The following CCDC91 variants were observed in gnomAD, a reference collection of about 807,000 sequenced individuals.
CCDC91 encodes coiled-coil domain-containing protein 91.
A neutral mutation model predicts 63.2 loss-of-function variants in CCDC91; 48 were observed. The observed-to-expected ratio is 0.76, with a 90% CI of 0.60 to 0.97. CCDC91 has a LOEUF of 0.97. Among genes scored for constraint, CCDC91 ranks in the 50% least tolerant of loss-of-function variants. CCDC91 has a pLI of 0.00. For synonymous variants in CCDC91, 167 were observed against 165.8 expected, an observed-to-expected ratio of 1.01 and a Z score of -0.06; for missense variants, 500 against 494.6, an observed-to-expected ratio of 1.01 and a Z score of -0.10.
At chr12:28,338,493 C>T (rs1027750480) in intron 6 of CCDC91, among the ~76,000 whole-genome samples, 35 of 152,016 alleles carry the variant, frequency 2.3e-4, no homozygotes, top group African/African-American at 2.7e-4. Flanking sequence ...GATGTGCTTT[C>T]AGAAAGTACA....
chr12:28,273,995 T>G (rs1178922225), intron 3 of CCDC91, among the ~76,000 whole-genome samples: 1 of 152,208 alleles, frequency 6.6e-6, no homozygotes, highest in African/African-American at 2.4e-5. Context: ...AAGTCTTTAA[T>G]CCATCTTGAA....
At chr12:28,501,418 G>T (rs1435996289) in intron 12 of CCDC91, among the ~76,000 whole-genome samples, 1 of 151,826 alleles carries the variant, frequency 6.6e-6, no homozygotes, top group Non-Finnish European at 1.5e-5. Flanking sequence ...TAGCATGAAG[G>T]GTTGTTGAAT....
intron 6 of CCDC91, among the ~76,000 whole-genome samples, chr12:28,328,319 A>G (rs1941202376): frequency 6.6e-6 from 1 of 152,146 alleles, no homozygotes; most frequent in African/African-American, 2.4e-5. Context: ...TTTCTGCACA[A>G]AAGTTTTGGA....
At chr12:28,485,279 C>T (rs1179953098) in intron 12 of CCDC91, among the ~76,000 whole-genome samples, 4 of 151,982 alleles carry the variant, frequency 2.6e-5, no homozygotes, top group Non-Finnish European at 1.5e-5. Flanking sequence ...CTGCCCCAGC[C>T]TCCTGAGTAG....
intron 11 of CCDC91, among the ~76,000 whole-genome samples, chr12:28,458,454 C>CTTTTTTTTTT (rs1566005675): frequency 1.4e-5 from 1 of 71,482 alleles, no homozygotes; most frequent in African/African-American, 8.1e-5. Context: ...CATTTGCACA[C>CTTTTTTTTTT]CTTTTTTTTT....
rs780008235 is a variant in CCDC91 at position 28,383,525 on chromosome 12, T to C, written c.655-7779T>C. Among the ~76,000 whole-genome samples the C allele has an allele frequency of 5.3e-5, 8 of 152,280 alleles. No individual in the cohort carries two copies. In the South Asian group the frequency reaches 1.4e-3, roughly 28 times the overall value. On this transcript the variant is annotated intron_variant, in intron 7 of 12. Coordinates refer to ENST00000536442, the MANE Select transcript of CCDC91 (RefSeq NM_018318.5). Reference sequence around the variant, plus strand: ...CACTCTTCAGACAACTGTAATTTACTCTTGAGAAACATGTACCTTCATTCT... The same window carrying C: ...CACTCTTCAGACAACTGTAATTTACCCTTGAGAAACATGTACCTTCATTCT...
At chr12:28,501,274 T>G (rs1180106516) in intron 12 of CCDC91, among the ~76,000 whole-genome samples, 1 of 151,938 alleles carries the variant, frequency 6.6e-6, no homozygotes, top group African/African-American at 2.4e-5. Flanking sequence ...AGGGCATCCA[T>G]GTCTTGTGCC....
intron 1 of CCDC91, among the ~76,000 whole-genome samples, chr12:28,222,623 A>G (rs1433952626): frequency 1.3e-5 from 2 of 152,174 alleles, no homozygotes; most frequent in Non-Finnish European, 2.9e-5. Flanking sequence ...CCATAGAATG[A>G]ATTTTGGTGT....
chr12:28,381,709 A>AT (rs1372469051), intron 7 of CCDC91, among the ~76,000 whole-genome samples: 3 of 152,108 alleles, frequency 2.0e-5, no homozygotes, highest in Non-Finnish European at 4.4e-5. Flanking sequence ...CATGTAGCCA[A>AT]TTTTTTTGAT....
chr12:28,219,269 T>A (rs1342472663), intron 1 of CCDC91, among the ~76,000 whole-genome samples: 1 of 152,096 alleles, frequency 6.6e-6, no homozygotes, highest in Non-Finnish European at 1.5e-5. Context: ...ATTAAAATAT[T>A]TTACCAATAA....
At chr12:28,221,580 A>G (rs570807856) in intron 1 of CCDC91, among the ~76,000 whole-genome samples, 220 of 152,238 alleles carry the variant, frequency 1.4e-3, no homozygotes, top group African/African-American at 5.0e-3. Context: ...TACTTTTAAG[A>G]TTTGTTAGCA....
chr12:28,213,718 C>T (rs566806492), intron 1 of CCDC91, among the ~76,000 whole-genome samples: 20 of 152,324 alleles, frequency 1.3e-4, no homozygotes, highest in African/African-American at 4.8e-4. Context: ...ATATTACACA[C>T]AGCATTATTT....
At chr12:28,362,072 T>C (rs749007710) in intron 6 of CCDC91, among the ~76,000 whole-genome samples, 1 of 151,994 alleles carries the variant, frequency 6.6e-6, no homozygotes, top group African/African-American at 2.4e-5. Context: ...TCTCAAACTT[T>C]GGGATGTATT....
intron 8 of CCDC91, among the ~76,000 whole-genome samples, chr12:28,412,124 T>A (rs1184582768): frequency 1.3e-5 from 2 of 152,184 alleles, no homozygotes; most frequent in African/African-American, 4.8e-5. Flanking sequence ...AGCAATAGAT[T>A]ACACCATACA....
chr12:28,416,108 G>A (rs1470039991), intron 8 of CCDC91, among the ~76,000 whole-genome samples: 1 of 151,922 alleles, frequency 6.6e-6, no homozygotes, highest in Non-Finnish European at 1.5e-5. Flanking sequence ...GCTTCTTGGA[G>A]TTTCCAAAAA....
chr12:28,254,616 G>A (rs1946321864), intron 1 of CCDC91, among the ~76,000 whole-genome samples: 1 of 152,024 alleles, frequency 6.6e-6, no homozygotes, highest in Admixed American at 6.6e-5. Flanking sequence ...ATGCTCAGAA[G>A]TAAACTATTG....
intron 12 of CCDC91, among the ~76,000 whole-genome samples, chr12:28,500,600 G>A (rs1190827449): frequency 6.6e-6 from 1 of 151,628 alleles, no homozygotes; most frequent in African/African-American, 2.4e-5. Flanking sequence ...ACCACAGAAG[G>A]TATTGGCAAA....
At chr12:28,216,537 G>C (rs1565624001) in intron 1 of CCDC91, among the ~76,000 whole-genome samples, 2 of 151,892 alleles carry the variant, frequency 1.3e-5, no homozygotes, top group South Asian at 4.2e-4. Context: ...CCGGAGGAAG[G>C]TAATCATAAT....
intron 8 of CCDC91, among the ~76,000 whole-genome samples, chr12:28,421,043 A>G (rs1382860773): frequency 2.0e-5 from 3 of 152,052 alleles, no homozygotes; most frequent in Non-Finnish European, 4.4e-5. Flanking sequence ...TGGAATTACT[A>G]TATGCAAGGA....
Sources: gnomAD v4.1 joint callset for allele counts (sites outside exome capture counted in the v4.1 genomes callset) on GRCh38, gnomAD v4.1.1 for gene constraint, MANE v1.5 for transcripts, NCBI Gene and HGNC (gene_info 2026-07-23, HGNC 2026-07-21) for gene names.